TMEM132D: variants seen among roughly 807,000 people sequenced by gnomAD.
TMEM132D encodes the protein transmembrane protein 132D.
In TMEM132D, 21 loss-of-function variants were observed where a neutral mutation model predicts 62.3. The ratio of observed to expected loss-of-function variants is 0.34; its 90% CI spans 0.24 to 0.49. TMEM132D has a LOEUF of 0.49. Ranked by LOEUF, TMEM132D falls within the 20% of genes least tolerant of loss-of-function variation. The pLI is 0.99. For synonymous variants in TMEM132D, 621 were observed against 575.6 expected (o/e 1.08, Z -1.13); for missense variants, 1,346 against 1,402.8 (o/e 0.96, Z 0.65).
chr12:129,845,759 A>G (rs1873341423), intron 1 of TMEM132D, among the ~76,000 whole-genome samples: 1 of 152,212 alleles, frequency 6.6e-6, no homozygotes, highest in Admixed American at 6.5e-5. Context: ...ATTGCCCAGG[A>G]AAGAATTCAA....
intron 1 of TMEM132D, among the ~76,000 whole-genome samples, chr12:129,887,704 T>A (rs531796234): frequency 6.6e-6 from 1 of 152,322 alleles, no homozygotes; most frequent in East Asian, 1.9e-4. Flanking sequence ...AAATGTGACA[T>A]TGGGTCCAAA....
At chr12:129,379,594 TG>T (rs1207231642) in intron 3 of TMEM132D, among the ~76,000 whole-genome samples, 1 of 152,198 alleles carries the variant, frequency 6.6e-6, no homozygotes, top group Non-Finnish European at 1.5e-5. Context: ...TCTTTGTGCC[TG>T]TGTGAGTCTG....
intron 1 of TMEM132D, among the ~76,000 whole-genome samples, chr12:129,801,872 C>T (rs1487315689): frequency 6.6e-6 from 1 of 151,022 alleles, no homozygotes; most frequent in Admixed American, 6.6e-5. Flanking sequence ...AACCAAGGCT[C>T]GAGAACTACG....
At chr12:129,439,482 C>G (rs976149780) in intron 3 of TMEM132D, among the ~76,000 whole-genome samples, 3 of 151,954 alleles carry the variant, frequency 2.0e-5, no homozygotes, top group African/African-American at 7.2e-5. Context: ...CGGAATCTCA[C>G]TCTATTGCCC....
At chr12:129,311,401 G>C (rs1345859965) in intron 4 of TMEM132D, among the ~76,000 whole-genome samples, 1 of 152,050 alleles carries the variant, frequency 6.6e-6, no homozygotes, top group African/African-American at 2.4e-5. Flanking sequence ...TGAATAATCA[G>C]TTATTGGTTG....
At chr12:129,571,453 T>C (rs1877510964) in intron 2 of TMEM132D, among the ~76,000 whole-genome samples, 2 of 152,062 alleles carry the variant, frequency 1.3e-5, no homozygotes, top group South Asian at 2.1e-4. Context: ...ACGTCTACAG[T>C]CCCAGCTACT....
intron 2 of TMEM132D, among the ~76,000 whole-genome samples, chr12:129,594,303 A>G (rs1335776827): frequency 6.6e-6 from 1 of 152,206 alleles, no homozygotes; most frequent in African/African-American, 2.4e-5. Flanking sequence ...CAGGTGAGTC[A>G]AGAGATTTTC....
chr12:129,623,150 TG>T (rs1467612467), intron 2 of TMEM132D, among the ~76,000 whole-genome samples: 1 of 152,224 alleles, frequency 6.6e-6, no homozygotes, highest in African/African-American at 2.4e-5. Flanking sequence ...GCATGCTTTT[TG>T]CTTAAACCAG....
chr12:129,553,615 T>G (rs1876965065), intron 2 of TMEM132D, among the ~76,000 whole-genome samples: 1 of 152,166 alleles, frequency 6.6e-6, no homozygotes, highest in African/African-American at 2.4e-5. Context: ...CCATGACTGT[T>G]TTCAAGCTCC....
At chr12:129,703,848 G>A (rs1022524616) in intron 1 of TMEM132D, among the ~76,000 whole-genome samples, 26 of 151,384 alleles carry the variant, frequency 1.7e-4, no homozygotes, top group African/African-American at 6.3e-4. Context: ...ATGGGAGGAA[G>A]GCAATTTGAG....
intron 2 of TMEM132D, among the ~76,000 whole-genome samples, chr12:129,603,620 T>C (rs1300947548): frequency 1.3e-5 from 2 of 152,170 alleles, no homozygotes; most frequent in Non-Finnish European, 2.9e-5. Flanking sequence ...CACAATGAGA[T>C]ACTATCTCAC....
intron 1 of TMEM132D, among the ~76,000 whole-genome samples, chr12:129,889,689 C>T (rs113961277): frequency 0.01 from 1,569 of 152,274 alleles, 26 homozygotes; most frequent in African/African-American, 0.035. Flanking sequence ...ATCCTTGTAA[C>T]GGAAGATCTG....
intron 3 of TMEM132D, among the ~76,000 whole-genome samples, chr12:129,513,890 T>C (rs1342638333): frequency 1.3e-5 from 2 of 150,414 alleles, no homozygotes; most frequent in Admixed American, 1.3e-4. Context: ...CAGGCTGGAG[T>C]GCAGTGGCAC....
chr12:129,770,143 GTTTTTTTTT>G (rs71082754), intron 1 of TMEM132D, among the ~76,000 whole-genome samples: 3 of 128,106 alleles, frequency 2.3e-5, no homozygotes, highest in African/African-American at 9.0e-5. Flanking sequence ...TTTTTTGGTT[GTTTTTTTTT>G]TTTTTTTTTG....
intron 1 of TMEM132D, among the ~76,000 whole-genome samples, chr12:129,831,745 C>A (rs927570783): frequency 6.6e-6 from 1 of 152,160 alleles, no homozygotes; most frequent in Non-Finnish European, 1.5e-5. Context: ...AGCAGAAAAA[C>A]TGAGCAAGCC....
At chr12:129,402,017 C>T (rs998773296) in intron 3 of TMEM132D, among the ~76,000 whole-genome samples, 59 of 152,154 alleles carry the variant, frequency 3.9e-4, no homozygotes, top group African/African-American at 1.4e-3. Flanking sequence ...CTCAGTGAAG[C>T]CTGGCTACGA....
intron 2 of TMEM132D, among the ~76,000 whole-genome samples, chr12:129,564,166 C>T (rs1334273506): frequency 1.3e-5 from 2 of 152,152 alleles, no homozygotes; most frequent in African/African-American, 4.8e-5. Flanking sequence ...GATGAGAGAA[C>T]TGATACTCAA....
At chr12:129,900,864 A>G (rs776868722) in intron 1 of TMEM132D, among the ~76,000 whole-genome samples, 4 of 152,198 alleles carry the variant, frequency 2.6e-5, no homozygotes, top group Non-Finnish European at 4.4e-5. Context: ...GTGTCATACC[A>G]TACTTCCTAG....
chr12:129,349,790 T>C (rs1869809185), intron 3 of TMEM132D, among the ~76,000 whole-genome samples: 2 of 152,252 alleles, frequency 1.3e-5, no homozygotes, highest in South Asian at 4.1e-4. Context: ...GAAAAGGCAA[T>C]TGAGGTTTCT....
Sources: allele counts gnomAD v4.1 joint callset (sites outside exome capture counted in the v4.1 genomes callset), GRCh38; gene constraint gnomAD v4.1.1; transcripts MANE v1.5; gene names NCBI Gene and HGNC (gene_info 2026-07-23, HGNC 2026-07-21).